NRXN3: variants seen among roughly 807,000 people sequenced by gnomAD.
The protein encoded by NRXN3 is neurexin III.
A neutral mutation model predicts 137.6 loss-of-function variants in NRXN3; 32 were observed. That is an observed-to-expected ratio of 0.23 (90% CI 0.18 to 0.31). The LOEUF is 0.31. NRXN3 is among the 10% of genes least tolerant of loss of function. The pLI, the probability that NRXN3 is intolerant of heterozygous loss-of-function variation, is 1.00. For missense variants in NRXN3, 1,574 were observed against 2,062.5 expected, an observed-to-expected ratio of 0.76 and a Z score of 4.59; for synonymous variants, 798 against 784.5, an observed-to-expected ratio of 1.02 and a Z score of -0.29.
chr14:78,404,428 T>A (rs2092348349), intron 4 of NRXN3, among the ~76,000 whole-genome samples: 1 of 152,116 alleles, frequency 6.6e-6, no homozygotes, highest in South Asian at 2.1e-4. Context: ...ACAAACACAT[T>A]CCCCTAGTGC....
intron 16 of NRXN3, among the ~76,000 whole-genome samples, chr14:79,537,851 C>T (rs1464042574): frequency 1.3e-5 from 2 of 152,230 alleles, no homozygotes; most frequent in Admixed American, 1.3e-4. Flanking sequence ...GTTCAAGATC[C>T]CTGAGGAATC....
chr14:79,207,239 A>G (rs1348348158), intron 15 of NRXN3, among the ~76,000 whole-genome samples: 3 of 152,182 alleles, frequency 2.0e-5, no homozygotes, highest in Non-Finnish European at 4.4e-5. Flanking sequence ...TTTTTAATAA[A>G]CGCAAATTCC....
intron 4 of NRXN3, among the ~76,000 whole-genome samples, chr14:78,441,187 T>C (rs973338463): frequency 2.0e-5 from 3 of 152,192 alleles, no homozygotes; most frequent in African/African-American, 4.8e-5. Flanking sequence ...CTTACCATGG[T>C]TGATTTCTAG....
chr14:79,363,420 C>T (rs932427738), intron 15 of NRXN3, among the ~76,000 whole-genome samples: 9 of 152,074 alleles, frequency 5.9e-5, no homozygotes, highest in East Asian at 1.9e-4. Context: ...CATATTCTTC[C>T]GCATCCTTCT....
chr14:79,726,929 A>G (rs1334493680), intron 19 of NRXN3, among the ~76,000 whole-genome samples: 2 of 152,144 alleles, frequency 1.3e-5, no homozygotes, highest in African/African-American at 4.8e-5. Context: ...CAATTCTAAC[A>G]TCAAGGAGAA....
intron 15 of NRXN3, among the ~76,000 whole-genome samples, chr14:79,346,273 T>A (rs992971600): frequency 1.4e-4 from 22 of 152,024 alleles, no homozygotes; most frequent in Non-Finnish European, 2.6e-4. Context: ...TACAAAAAAA[T>A]TAGCTGGATG....
intron 10 of NRXN3, among the ~76,000 whole-genome samples, chr14:78,934,215 A>C (rs1165824166): frequency 6.6e-6 from 1 of 151,964 alleles, no homozygotes; most frequent in East Asian, 1.9e-4. Flanking sequence ...CTGGCTCTAG[A>C]ATAGAGACCC....
intron 4 of NRXN3, among the ~76,000 whole-genome samples, chr14:78,618,086 C>T (rs1601442002): frequency 6.6e-6 from 1 of 151,834 alleles, no homozygotes. Context: ...CAGTTAGCAC[C>T]CGAAAAGTTA....
At chr14:78,230,815 G>C (rs2065293181) in intron 1 of NRXN3, among the ~76,000 whole-genome samples, 1 of 152,170 alleles carries the variant, frequency 6.6e-6, no homozygotes, top group African/African-American at 2.4e-5. Context: ...AAAGGCCACA[G>C]GGAGGACTTT....
At chr14:79,707,808 G>A (rs148637090) in intron 19 of NRXN3, among the ~76,000 whole-genome samples, 1 of 152,218 alleles carries the variant, frequency 6.6e-6, no homozygotes, top group East Asian at 1.9e-4. Flanking sequence ...ACAGTTAAAT[G>A]TAGGAAACAA....
intron 10 of NRXN3, among the ~76,000 whole-genome samples, chr14:78,955,988 A>G (rs186732531): frequency 4.6e-5 from 7 of 152,308 alleles, no homozygotes; most frequent in Admixed American, 3.3e-4. Context: ...GACATTGATT[A>G]TTCAAGCACT....
chr14:78,999,122 TTG>T (rs2099536346), intron 15 of NRXN3, among the ~76,000 whole-genome samples: 1 of 152,070 alleles, frequency 6.6e-6, no homozygotes, highest in Non-Finnish European at 1.5e-5. Context: ...AAAAGTGGAG[TTG>T]TTTCTATACC....
At chr14:79,516,432 G>A (rs1376985197) in intron 16 of NRXN3, among the ~76,000 whole-genome samples, 1 of 152,182 alleles carries the variant, frequency 6.6e-6, no homozygotes, top group Non-Finnish European at 1.5e-5. Flanking sequence ...ACTAGCAGGA[G>A]TGTTCAGAAA....
chr14:78,463,558 G>T (rs1238278674), intron 4 of NRXN3, among the ~76,000 whole-genome samples: 16 of 147,920 alleles, frequency 1.1e-4, no homozygotes, highest in African/African-American at 4.0e-4. Context: ...TGTTTTTTTT[G>T]ACTTTTTAAT....
intron 19 of NRXN3, among the ~76,000 whole-genome samples, chr14:79,756,633 T>C (rs758029595): frequency 4.6e-5 from 7 of 152,208 alleles, no homozygotes; most frequent in Non-Finnish European, 1.0e-4. Flanking sequence ...AAGCAGATAA[T>C]GCCAGTAACA....
rs75016678 is a variant in NRXN3, at chr14:79,801,504, C to T, written c.4015-3608C>T. ...GATGTTGATTAATTGTGAAGTTAAACTATGATGTTGATTAATAGTGAAGTA... is the reference window on the plus strand; with the variant it reads ...GATGTTGATTAATTGTGAAGTTAAATTATGATGTTGATTAATAGTGAAGTA... On this transcript the variant is annotated intron_variant, in intron 19 of 20. Coordinates refer to ENST00000335750, the MANE Select transcript of NRXN3 (RefSeq NM_001330195.2). Among the ~76,000 whole-genome samples, 496 of 152,186 alleles carry T rather than the reference C, an allele frequency of 3.3e-3. 11 individuals are homozygous for T. The East Asian group carries it at 0.043, about 13-fold the overall frequency.
intron 19 of NRXN3, among the ~76,000 whole-genome samples, chr14:79,719,396 A>ATGTGTGTATATATATGTGTG (rs747157095): frequency 0.011 from 250 of 22,892 alleles, 2 homozygotes; most frequent in East Asian, 0.031. Context: ...GTGTATATAT[A>ATGTGTGTATATATATGTGTG]TGTGTGTATA....
intron 15 of NRXN3, among the ~76,000 whole-genome samples, chr14:79,289,202 A>G (rs2082758829): frequency 6.6e-6 from 1 of 152,160 alleles, no homozygotes; most frequent in Non-Finnish European, 1.5e-5. Flanking sequence ...TCAGTCCTTC[A>G]AGACACTTTC....
chr14:79,420,023 A>G (rs940288691), intron 15 of NRXN3, among the ~76,000 whole-genome samples: 1 of 152,186 alleles, frequency 6.6e-6, no homozygotes, highest in Non-Finnish European at 1.5e-5. Context: ...CTAACTCTAA[A>G]GGAAAGAACC....
Sources: gnomAD v4.1 joint callset for allele counts (sites outside exome capture counted in the v4.1 genomes callset) on GRCh38, gnomAD v4.1.1 for gene constraint, MANE v1.5 for transcripts, NCBI Gene and HGNC (gene_info 2026-07-23, HGNC 2026-07-21) for gene names.